Variants in SCAF8 observed in about 807,000 individuals in gnomAD.
SCAF8 encodes the protein SR-related and CTD-associated factor 8.
In SCAF8, 23 loss-of-function variants were observed where a neutral mutation model predicts 140.5. The observed-to-expected ratio is 0.16, with a 90% CI of 0.12 to 0.23. The LOEUF (loss-of-function observed/expected upper bound fraction) is 0.23, where lower values mean the gene tolerates loss of function less well. SCAF8 is among the 10% of genes least tolerant of loss of function. The probability of loss-of-function intolerance (pLI) is 1.00; values close to 1 mark genes in which losing one functional copy is unlikely to be tolerated. For missense variants in SCAF8, 1,397 were observed against 1,555.7 expected (o/e 0.90, Z 1.72); for synonymous variants, 575 against 528.9 (o/e 1.09, Z -1.20).
chr6:154,807,954 T>C (rs1217878346), intron 9 of SCAF8, 116 bp from the exon 10 acceptor site: 2 of 856,322 alleles, frequency 2.3e-6, no homozygotes, highest in Non-Finnish European at 3.5e-6. Context: ...ATGGAATTTC[T>C]TTTATGTATG....
chr6:154,827,993 C>T (rs2114691160), intron 18 of SCAF8, among the ~76,000 whole-genome samples: 1 of 152,280 alleles, frequency 6.6e-6, no homozygotes, highest in African/African-American at 2.4e-5. Flanking sequence ...ACGTATATTA[C>T]AATTAGCCAG....
At chr6:154,789,446 T>C (rs921712231) in intron 4 of SCAF8, among the ~76,000 whole-genome samples, 10 of 152,156 alleles carry the variant, frequency 6.6e-5, no homozygotes, top group Non-Finnish European at 1.3e-4. Context: ...CTTTGTGAAC[T>C]ATTCTTGAAT....
At chr6:154,817,596 TAAA>T (rs1182176817) in intron 13 of SCAF8, among the ~76,000 whole-genome samples, 3 of 152,144 alleles carry the variant, frequency 2.0e-5, no homozygotes, top group Non-Finnish European at 4.4e-5. Flanking sequence ...TTGTAATAGA[TAAA>T]GAAGAATGTC....
At chr6:154,820,467 A>G (rs942700600) in intron 15 of SCAF8, 134 bp downstream of exon 15, 5 of 683,072 alleles carry the variant, frequency 7.3e-6, no homozygotes, top group Admixed American at 3.1e-5. Context: ...ATACATTACT[A>G]TGCCCTAGTG....
At chr6:154,831,867 G>A in intron 19 of SCAF8, 72 bp from the exon 20 acceptor site, 11 of 1,299,558 alleles carry the variant, frequency 8.5e-6, no homozygotes, top group South Asian at 4.4e-5. Context: ...GATACAAGTA[G>A]CTGATTAAGC....
chr6:154,784,182 G>A (rs1321966780), intron 3 of SCAF8, among the ~76,000 whole-genome samples: 6 of 124,642 alleles, frequency 4.8e-5, no homozygotes, highest in Non-Finnish European at 1.0e-4. Flanking sequence ...TTTCATGTAG[G>A]GTGCAGTATT....
At position 154,810,108 on chromosome 6, in the gene SCAF8, G is replaced by A. The variant is rs748276544; in HGVS notation, c.1320G>A (p.Arg440=). 3.1e-6 allele frequency: 5 copies of A among 1,613,912 alleles called. No individual in the cohort carries two copies. The South Asian group carries it at 5.5e-5, about 18-fold the overall frequency. ...RSRSRSRERK[R]KSSRSYSSER... ...GCTCCCGCTCAAGAGAAAGAAAGAGGAAATCATCACGGTCGTATTCAAGTG... is the reference window on the plus strand; with the variant it reads ...GCTCCCGCTCAAGAGAAAGAAAGAGAAAATCATCACGGTCGTATTCAAGTG... The change falls in exon 12 of 20, where the codon AGG becomes AGA. Residue 440 remains arginine, a synonymous_variant. Coordinates refer to ENST00000367178, the MANE Select transcript of SCAF8 (RefSeq NM_014892.5).
Position 154,733,711 on chromosome 6 carries a change from G to A in SCAF8, c.-190G>A. On this transcript the variant is annotated 5_prime_UTR_variant, in exon 1 of 20. Coordinates refer to ENST00000367178, the MANE Select transcript of SCAF8 (RefSeq NM_014892.5). Reference sequence around the variant, plus strand: ...CCGCCCTAGCGGCCATGCCGGTGCCGCTCTGCCGCTGAGGGAGCCCTTCCC... The same window carrying A: ...CCGCCCTAGCGGCCATGCCGGTGCCACTCTGCCGCTGAGGGAGCCCTTCCC... The A allele has an allele frequency of 3.2e-6, 4 of 1,262,928 alleles. No homozygotes were observed. The highest frequency in any genetic ancestry group is 4.0e-6 in the Non-Finnish European group (4 of 1,003,676). 78.2% of individuals were successfully genotyped at this position (1,262,928 alleles called of 1,614,324 possible).
intron 1 of SCAF8, among the ~76,000 whole-genome samples, chr6:154,758,859 C>T (rs1334267749): frequency 6.6e-6 from 1 of 152,156 alleles, no homozygotes; most frequent in Non-Finnish European, 1.5e-5. Flanking sequence ...TTTTTTCCTT[C>T]CCTCCTCCTC....
intron 1 of SCAF8, among the ~76,000 whole-genome samples, chr6:154,744,298 G>C (rs1171540617): frequency 1.3e-5 from 2 of 151,940 alleles, no homozygotes; most frequent in African/African-American, 4.8e-5. Flanking sequence ...GCTGGGTGTG[G>C]GTGGGGGTTG....
At chr6:154,827,724 T>C (rs1308951832) in intron 18 of SCAF8, among the ~76,000 whole-genome samples, 1 of 151,264 alleles carries the variant, frequency 6.6e-6, no homozygotes, top group Non-Finnish European at 1.5e-5. Context: ...TCACCTGTTT[T>C]AGCAAGAATA....
intron 1 of SCAF8, among the ~76,000 whole-genome samples, chr6:154,745,698 A>G (rs1778681108): frequency 6.6e-6 from 1 of 152,134 alleles, no homozygotes; most frequent in African/African-American, 2.4e-5. Flanking sequence ...ATACCTTGCT[A>G]CTTGTCAAAT....
At chr6:154,822,532 G>A in intron 16 of SCAF8, 123 bp downstream of exon 16, 2 of 986,786 alleles carry the variant, frequency 2.0e-6, no homozygotes, top group East Asian at 4.9e-5. Flanking sequence ...TGTCAGTAGT[G>A]TTAGGGAAAA....
rs1778715538 is a variant in SCAF8 at position 154,831,037 on chromosome 6, A to C, written c.2256A>C (p.Pro752=). Residue 752 remains proline, a synonymous_variant, in exon 19 of 20, where the codon CCA becomes CCC. Transcript: ENST00000367178. ...VASNLATSAL[P]AGNVFNAPTK... ...GCAATCTTGCTACTTCCGCTCTGCC[A>C]GCTGGAAATGTTTTTAATGCTCCAA... 6.2e-7 allele frequency: 1 copy of C among 1,614,064 alleles called. No individual in the cohort carries two copies. Among genetic ancestry groups the C allele is most frequent in the East Asian group, 2.2e-5 (1 of 44,866 alleles).
chr6:154,823,992 GT>G (rs1778493022), intron 16 of SCAF8, among the ~76,000 whole-genome samples: 1 of 152,148 alleles, frequency 6.6e-6, no homozygotes, highest in Non-Finnish European at 1.5e-5. Flanking sequence ...GTGACCATTA[GT>G]TTACATCACT....
chr6:154,804,270 TAAAC>T (rs754096832), intron 8 of SCAF8, among the ~76,000 whole-genome samples: 34 of 152,204 alleles, frequency 2.2e-4, no homozygotes, highest in East Asian at 2.1e-3. Context: ...ATTGGGGTAA[TAAAC>T]AAAAACATAA....
At chr6:154,823,264 AG>A (rs1332326219) in intron 16 of SCAF8, among the ~76,000 whole-genome samples, 9 of 152,160 alleles carry the variant, frequency 5.9e-5, no homozygotes, top group Admixed American at 5.9e-4. Flanking sequence ...GAGTCATTGG[AG>A]GATTTTGAGC....
At chr6:154,742,800 A>G (rs574712494) in intron 1 of SCAF8, among the ~76,000 whole-genome samples, 8 of 152,356 alleles carry the variant, frequency 5.3e-5, no homozygotes, top group African/African-American at 1.4e-4. Flanking sequence ...AATTTTGACT[A>G]TTAAGTTGAT....
At position 154,805,372 on chromosome 6, in the gene SCAF8, T is replaced by C. The variant is rs1410325782; in HGVS notation, c.867T>C (p.Ser289=). Residue 289 remains serine (S), a synonymous_variant, in exon 9 of 20, where the codon TCT becomes TCC. Transcript: ENST00000367178. ...TTCCACCTGTTTTTCCTTTTAGTTC[T>C]CACGTTTCAGAATCTGTGAACAATT... ...PKKEIPASQL[S]HVSESVNNSI... is the part of the protein sequence containing the mutation. The C allele has an allele frequency of 2.5e-6, 4 of 1,594,002 alleles. No homozygotes were observed. In the South Asian group the frequency reaches 3.3e-5, roughly 13 times the overall value.
Sources: allele counts gnomAD v4.1 joint callset (sites outside exome capture counted in the v4.1 genomes callset), GRCh38; gene constraint gnomAD v4.1.1; transcripts MANE v1.5; gene names NCBI Gene and HGNC (gene_info 2026-07-23, HGNC 2026-07-21).